The following ACTR3 variants were observed in gnomAD, a reference collection of about 807,000 sequenced individuals.
ACTR3 encodes actin-related protein 3.
ACTR3 carries 12 observed loss-of-function variants against 56.8 expected under a neutral mutation model. That is an observed-to-expected ratio of 0.21 (90% CI 0.14 to 0.34). ACTR3 has a LOEUF of 0.34. Among genes scored for constraint, ACTR3 ranks in the 10% least tolerant of loss-of-function variants. The probability of loss-of-function intolerance (pLI) is 1.00; values close to 1 mark genes in which losing one functional copy is unlikely to be tolerated. For missense variants in ACTR3, 282 were observed against 512.5 expected (o/e 0.55, Z 4.34); for synonymous variants, 162 against 167.4 (o/e 0.97, Z 0.25).
At chr2:113,892,975 G>T (rs1559451123) in intron 1 of ACTR3, among the ~76,000 whole-genome samples, 1 of 152,128 alleles carries the variant, frequency 6.6e-6, no homozygotes, top group Non-Finnish European at 1.5e-5. Flanking sequence ...TCATAAAAGA[G>T]AATACTTATT....
intron 8 of ACTR3, among the ~76,000 whole-genome samples, chr2:113,946,248 C>T (rs1426202835): frequency 6.6e-6 from 1 of 152,076 alleles, no homozygotes; most frequent in Admixed American, 6.5e-5. Flanking sequence ...TAATATACAC[C>T]AAGAGAGTAT....
intron 6 of ACTR3, among the ~76,000 whole-genome samples, chr2:113,934,923 C>G (rs1449669898): frequency 6.6e-6 from 1 of 152,076 alleles, no homozygotes; most frequent in African/African-American, 2.4e-5. Flanking sequence ...TTCAAAATGA[C>G]TACTAGAATT....
At chr2:113,914,307 G>A (rs1348957453) in intron 2 of ACTR3, among the ~76,000 whole-genome samples, 1 of 152,094 alleles carries the variant, frequency 6.6e-6, no homozygotes. Context: ...TTAAGTGTGT[G>A]GCATTAAAGA....
intron 7 of ACTR3, among the ~76,000 whole-genome samples, chr2:113,941,216 G>C (rs1432879625): frequency 6.6e-6 from 1 of 152,166 alleles, no homozygotes; most frequent in East Asian, 1.9e-4. Flanking sequence ...GTTACCCCAA[G>C]TTGGTGGCAT....
intron 1 of ACTR3, chr2:113,904,648 G>A (rs898258635): frequency 6.6e-6 from 1 of 152,192 alleles, no homozygotes; most frequent in Non-Finnish European, 1.5e-5. Context: ...CAGATGGTAA[G>A]TGATAGTTAA....
upstream of ACTR3, chr2:113,889,936 G>T (rs1023252260): frequency 7.4e-6 from 4 of 541,584 alleles, no homozygotes; most frequent in African/African-American, 2.0e-5. Context: ...GCCTGGCCTG[G>T]CCGGGGCGTC....
At chr2:113,957,230 T>C (rs1574388617) in intron 11 of ACTR3, 130 bp from the exon 12 acceptor site, 1 of 594,024 alleles carries the variant, frequency 1.7e-6, no homozygotes, top group Middle Eastern at 3.9e-4. Flanking sequence ...TTTCATGCCA[T>C]GAATGGACTA....
At chr2:113,901,552 A>G (rs992521831) in intron 1 of ACTR3, among the ~76,000 whole-genome samples, 1 of 152,198 alleles carries the variant, frequency 6.6e-6, no homozygotes, top group African/African-American at 2.4e-5. Flanking sequence ...TATTTTTATG[A>G]TATGGTAAGA....
At chr2:113,929,192 G>A (rs993366041) in intron 4 of ACTR3, among the ~76,000 whole-genome samples, 12 of 151,940 alleles carry the variant, frequency 7.9e-5, no homozygotes, top group African/African-American at 2.9e-4. Context: ...GCTCAGGCTG[G>A]AATGCAGTGG....
intron 1 of ACTR3, chr2:113,904,560 A>G (rs1437570293): frequency 1.3e-5 from 2 of 152,216 alleles, no homozygotes; most frequent in Non-Finnish European, 2.9e-5. Context: ...GTGAACATAC[A>G]TGTACACAAT....
intron 1 of ACTR3, among the ~76,000 whole-genome samples, chr2:113,908,758 AT>A (rs982970692): frequency 1.3e-5 from 2 of 151,424 alleles, no homozygotes; most frequent in African/African-American, 4.9e-5. Context: ...TTAAAGAGTG[AT>A]TTTTTTTGTC....
intron 8 of ACTR3, among the ~76,000 whole-genome samples, chr2:113,948,298 T>A (rs899380037): frequency 1.3e-5 from 2 of 152,110 alleles, no homozygotes; most frequent in African/African-American, 2.4e-5. Context: ...TACAGGTATG[T>A]GCCACCACTT....
chr2:113,894,892 G>A (rs529741140), intron 1 of ACTR3, among the ~76,000 whole-genome samples: 1 of 152,154 alleles, frequency 6.6e-6, no homozygotes, highest in African/African-American at 2.4e-5. Flanking sequence ...TTAACACTCC[G>A]GGGACTCCTG....
chr2:113,924,529 T>C (rs1394333068), intron 3 of ACTR3, among the ~76,000 whole-genome samples: 1 of 152,200 alleles, frequency 6.6e-6, no homozygotes. Flanking sequence ...AAGCTGTTCT[T>C]ATTCCCCTGC....
At chr2:113,916,021 C>A (rs1251394602) in intron 2 of ACTR3, among the ~76,000 whole-genome samples, 1 of 151,974 alleles carries the variant, frequency 6.6e-6, no homozygotes, top group Non-Finnish European at 1.5e-5. Flanking sequence ...AGTGAGCCAC[C>A]TGGATGTCTA....
intron 6 of ACTR3, among the ~76,000 whole-genome samples, chr2:113,935,863 G>A (rs745948978): frequency 6.6e-6 from 1 of 152,120 alleles, no homozygotes; most frequent in African/African-American, 2.4e-5. Context: ...ATTTGACCTG[G>A]TTCTGCCTTT....
chr2:113,889,947 G>C (rs1198862352), upstream of ACTR3: 4 of 531,174 alleles, frequency 7.5e-6, no homozygotes, highest in Non-Finnish European at 1.3e-5. Context: ...CCGGGGCGTC[G>C]GCACCGGCGG....
At chr2:113,955,804 A>G (rs1354771968) in intron 11 of ACTR3, 98 bp downstream of exon 11, 12 of 943,998 alleles carry the variant, frequency 1.3e-5, no homozygotes, top group South Asian at 1.6e-5. Flanking sequence ...CTGGAGTGCA[A>G]TGGCATGATC....
rs561818674 is a variant in ACTR3, at chr2:113,940,792, T to A, written c.684+690T>A. On this transcript the variant is annotated intron_variant, in intron 7 of 11. Transcript: ENST00000263238. Reference sequence around the variant, plus strand: ...TTTTTTTTAATTACCTGTAAATTTTTAAAATTTTTAATTTCTTATTTTTAT... The same window carrying A: ...TTTTTTTTAATTACCTGTAAATTTTAAAAATTTTTAATTTCTTATTTTTAT... Among the ~76,000 whole-genome samples, 17 of 151,528 alleles carry A rather than the reference T, an allele frequency of 1.1e-4. 1 individual carries two copies. In the South Asian group the frequency reaches 1.2e-3, roughly 11 times the overall value.
Sources: gnomAD v4.1 joint callset for allele counts (sites outside exome capture counted in the v4.1 genomes callset) on GRCh38, gnomAD v4.1.1 for gene constraint, MANE v1.5 for transcripts, NCBI Gene and HGNC (gene_info 2026-07-23, HGNC 2026-07-21) for gene names.